Variants in APPL1 observed in about 807,000 individuals in gnomAD.
The protein encoded by APPL1 is adaptor protein, phosphotyrosine interacting with PH domain and leucine zipper 1.
Under a neutral mutation model 106.8 loss-of-function variants are expected in APPL1, and 42 were observed. The ratio of observed to expected loss-of-function variants is 0.39; its 90% CI spans 0.31 to 0.51. The LOEUF (loss-of-function observed/expected upper bound fraction) is 0.51, where lower values mean the gene tolerates loss of function less well. APPL1 is among the 20% of genes least tolerant of loss of function. The pLI is 0.75. For missense variants in APPL1, 769 were observed against 858.2 expected (o/e 0.90, Z 1.30); for synonymous variants, 263 against 281.8 (o/e 0.93, Z 0.67).
At chr3:57,268,610 CAG>C (rs2060911807) in intron 21 of APPL1, 123 bp downstream of exon 21, 1 of 1,133,112 alleles carries the variant, frequency 8.8e-7, no homozygotes, top group Non-Finnish European at 1.2e-6. Context: ...ACTTCATAAA[CAG>C]ATGATTCATA....
intron 13 of APPL1, among the ~76,000 whole-genome samples, chr3:57,256,431 T>G (rs887586091): frequency 6.6e-6 from 1 of 152,242 alleles, no homozygotes; most frequent in African/African-American, 2.4e-5. Flanking sequence ...ATGACAGCTT[T>G]ATAAATTAAT....
rs1354865658 is a variant in APPL1, at chr3:57,252,289, A to G, written c.1073A>G (p.Glu358Gly). ...TCCAGATCTTCAATTTTGCAAGCAG[A>G]GAGTAAAAAAGATCATGAAGAGGTA... Reference protein sequence around the residue: ...DGKKSSILQAESKKDHEEWIC... With the variant: ...DGKKSSILQAGSKKDHEEWIC... The change falls in exon 12 of 22, where the codon GAG (glutamate) becomes GGG (glycine). Residue 358 changes from glutamate to glycine, a missense_variant. Transcript: ENST00000288266. 6.2e-7 allele frequency: 1 copy of G among 1,608,630 alleles called. No individual in the cohort carries two copies. The highest frequency in any genetic ancestry group is 1.7e-5 in the Admixed American group (1 of 58,984).
chr3:57,261,190 T>G (rs1324183595), intron 19 of APPL1, among the ~76,000 whole-genome samples: 1 of 152,212 alleles, frequency 6.6e-6, no homozygotes, highest in African/African-American at 2.4e-5. Flanking sequence ...GGCTCCCACA[T>G]ACAAGTGAGA....
intron 16 of APPL1, 71 bp downstream of exon 16, chr3:57,259,151 A>C: frequency 1.5e-6 from 2 of 1,320,986 alleles, no homozygotes; most frequent in South Asian, 2.5e-5. Context: ...TTTATTGTTT[A>C]TATTTGCTCT....
intron 21 of APPL1, 128 bp from the exon 22 acceptor site, chr3:57,269,413 C>CAAGT (rs1297498046): frequency 1.2e-6 from 1 of 866,684 alleles, no homozygotes; most frequent in African/African-American, 1.7e-5. Flanking sequence ...TTCTTTTTAT[C>CAAGT]AAGTTGTCAG....
rs2060958461 is a variant in APPL1 at position 57,273,230 on chromosome 3, T to TCA, written c.*3545_*3546dup. The TCA allele has an allele frequency of 6.6e-6, 1 of 152,660 alleles. No homozygotes were observed. The highest frequency in any genetic ancestry group is 1.5e-5 in the Non-Finnish European group (1 of 68,044). 9.5% of individuals were successfully genotyped at this position (152,660 alleles called of 1,614,324 possible). Reference sequence around the variant, plus strand: ...TAATGTAAGTGAATTGATTCTTATTTCACTGATACTATTAATCATGCAGTG... The same window carrying TCA: ...TAATGTAAGTGAATTGATTCTTATTTCACACTGATACTATTAATCATGCAGTG... On this transcript the variant is annotated 3_prime_UTR_variant, in exon 22 of 22. Coordinates refer to ENST00000288266, the MANE Select transcript of APPL1 (RefSeq NM_012096.3).
rs1308167609 is a variant in APPL1, at chr3:57,272,973, AC to A, written c.*3288del. ...GATTGTATTTTAAATACTTAAACAC[AC>A]CAATTGTAGAAAGCAACCCTTTATT... On this transcript the variant is annotated 3_prime_UTR_variant, in exon 22 of 22. Transcript: ENST00000288266. 1 of 152,622 alleles carries A rather than the reference AC, an allele frequency of 6.6e-6. No homozygotes were observed. The highest frequency in any genetic ancestry group is 6.5e-5 in the Admixed American group (1 of 15,278). The allele number at this position is 152,622 out of a possible 1,614,324, so 9.5% of individuals were successfully genotyped here.
intron 10 of APPL1, 26 bp downstream of exon 10, chr3:57,248,377 A>G: frequency 6.2e-7 from 1 of 1,605,460 alleles, no homozygotes; most frequent in South Asian, 1.1e-5. Context: ...TTATTTTTGT[A>G]TATTGTGTAT....
At chr3:57,255,029 C>A (rs2060827526) in intron 13 of APPL1, among the ~76,000 whole-genome samples, 1 of 152,236 alleles carries the variant, frequency 6.6e-6, no homozygotes, top group Non-Finnish European at 1.5e-5. Context: ...TGGGGTGATA[C>A]AGCGTGAATT....
chr3:57,245,888 A>C (rs1368956250), intron 7 of APPL1, among the ~76,000 whole-genome samples, 188 bp from the exon 8 acceptor site: 1 of 152,182 alleles, frequency 6.6e-6, no homozygotes, highest in Non-Finnish European at 1.5e-5. Flanking sequence ...GTTAAACAGG[A>C]AAATTTGCTT....
intron 11 of APPL1, 25 bp downstream of exon 11, chr3:57,249,573 C>T: frequency 6.5e-7 from 1 of 1,529,332 alleles, no homozygotes; most frequent in Middle Eastern, 1.8e-4. Flanking sequence ...TCTACTACTA[C>T]TAATCTATAG....
rs2060937703 is a variant in APPL1, at chr3:57,271,287, C to T, written c.*1600C>T. On this transcript the variant is annotated 3_prime_UTR_variant, in exon 22 of 22. Transcript: ENST00000288266. ...AATGATATATAGGATCATGATATTC[C>T]TTCTATCCATGTGCCAAATGGGTGT... 1 of 152,400 alleles carries T rather than the reference C, an allele frequency of 6.6e-6. No homozygotes were observed. The highest frequency in any genetic ancestry group is 6.5e-5 in the Admixed American group (1 of 15,272). The allele number at this position is 152,400 out of a possible 1,614,324, so 9.4% of individuals were successfully genotyped here.
chr3:57,244,229 C>A (rs1156231435), intron 7 of APPL1, among the ~76,000 whole-genome samples: 1 of 151,638 alleles, frequency 6.6e-6, no homozygotes, highest in Admixed American at 6.6e-5. Flanking sequence ...CGTCTCGGCT[C>A]ACTGCAACCT....
Position 57,228,505 on chromosome 3 carries a change from T to G in APPL1, c.54+568T>G, listed in dbSNP as rs1387777219. Reference sequence around the variant, plus strand: ...GCCCGTGTCGCGGCCGTGACTGTGGTCGCTGTCACTCGAGCTGTGCACGGC... The same window carrying G: ...GCCCGTGTCGCGGCCGTGACTGTGGGCGCTGTCACTCGAGCTGTGCACGGC... On this transcript the variant is annotated intron_variant, in intron 1 of 21. Coordinates refer to ENST00000288266, the MANE Select transcript of APPL1 (RefSeq NM_012096.3). This position sits in a 1 kb window ranked among gnomAD's most constrained non-coding sequence, Gnocchi z 4.6. Among the ~76,000 whole-genome samples the G allele has an allele frequency of 2.0e-5, 3 of 152,204 alleles. No individual in the cohort carries two copies. The highest frequency in any genetic ancestry group is 4.4e-5 in the Non-Finnish European group (3 of 68,042).
chr3:57,241,966 A>G (rs1579385808), intron 5 of APPL1, 135 bp from the exon 6 acceptor site: 3 of 574,772 alleles, frequency 5.2e-6, no homozygotes, highest in Non-Finnish European at 9.0e-6. Context: ...AACACAGAGT[A>G]GCTTTTTCAC....
In APPL1 at chr3:57,270,585, T is replaced by TG. The variant is rs1202860281; in HGVS notation, c.*898_*899insG. 2 of 152,658 alleles carry TG rather than the reference T, an allele frequency of 1.3e-5. No individual in the cohort carries two copies. Among genetic ancestry groups the TG allele is most frequent in the Non-Finnish European group, 2.9e-5 (2 of 68,030 alleles). The allele number at this position is 152,658 out of a possible 1,614,324, so 9.5% of individuals were successfully genotyped here. On this transcript the variant is annotated 3_prime_UTR_variant, in exon 22 of 22. Transcript: ENST00000288266. ...AAGTCAAGTGACATTTCAAAAGAAG[T>TG]TCTATAACAATTATGTTTCATGCTT...
intron 1 of APPL1, among the ~76,000 whole-genome samples, chr3:57,235,289 CTTAGT>C (rs1240466854): frequency 6.6e-6 from 1 of 151,926 alleles, no homozygotes; most frequent in African/African-American, 2.4e-5. Flanking sequence ...TTGATTTGTT[CTTAGT>C]TTATAGAATT....
At chr3:57,233,521 AT>A (rs142324957) in intron 1 of APPL1, among the ~76,000 whole-genome samples, 1 of 151,228 alleles carries the variant, frequency 6.6e-6, no homozygotes, top group African/African-American at 2.4e-5. Context: ...GAAGCGGCAG[AT>A]TTTTTTTAAG....
At position 57,227,813 on chromosome 3, in the gene APPL1, C is replaced by T. The variant is rs1025901871; in HGVS notation, c.-71C>T. 1.2e-5 allele frequency: 16 copies of T among 1,325,480 alleles called. No homozygotes were observed. In the South Asian group the frequency reaches 1.4e-4, roughly 11 times the overall value. The allele number at this position is 1,325,480 out of a possible 1,614,324, so 82.1% of individuals were successfully genotyped here. On this transcript the variant is annotated 5_prime_UTR_variant, in exon 1 of 22. Coordinates refer to ENST00000288266, the MANE Select transcript of APPL1 (RefSeq NM_012096.3). ...GGAGAGGGCGGGCCGGGGTCAGCTG[C>T]GGCGGGCGGGCCGGCGCGGGGAGCT... is the stretch of plus-strand genomic sequence containing the variant.
Sources: allele counts gnomAD v4.1 joint callset (sites outside exome capture counted in the v4.1 genomes callset), GRCh38; gene constraint gnomAD v4.1.1; non-coding constraint Gnocchi (gnomAD v3.1); transcripts MANE v1.5; gene names NCBI Gene and HGNC (gene_info 2026-07-23, HGNC 2026-07-21).